The following TTC29 variants were observed in gnomAD, a reference collection of about 807,000 sequenced individuals.
The protein encoded by TTC29 is tetratricopeptide repeat domain 29, also known as tetratricopeptide repeat protein 29.
In TTC29, 49 loss-of-function variants were observed where a neutral mutation model predicts 58.1. The observed-to-expected ratio is 0.84, with a 90% CI of 0.67 to 1.07. The LOEUF (loss-of-function observed/expected upper bound fraction) is 1.07, where lower values mean the gene tolerates loss of function less well. TTC29 is among the 50% of genes least tolerant of loss of function. The pLI is 0.00. For synonymous variants in TTC29, 209 were observed against 196.8 expected, an observed-to-expected ratio of 1.06 and a Z score of -0.52; for missense variants, 582 against 555.6, an observed-to-expected ratio of 1.05 and a Z score of -0.48.
chr4:146,824,546 A>T (rs1727630623), intron 9 of TTC29, among the ~76,000 whole-genome samples: 1 of 135,732 alleles, frequency 7.4e-6, no homozygotes, highest in African/African-American at 3.0e-5. Context: ...CATCGGGGAT[A>T]TTGGCCTGAA....
At chr4:146,838,327 A>G (rs1728641350) in intron 8 of TTC29, among the ~76,000 whole-genome samples, 1 of 152,052 alleles carries the variant, frequency 6.6e-6, no homozygotes, top group Non-Finnish European at 1.5e-5. Context: ...AATGAAATTT[A>G]AGGATTATTA....
chr4:146,835,752 C>T (rs1016745470), intron 8 of TTC29, among the ~76,000 whole-genome samples: 1 of 152,140 alleles, frequency 6.6e-6, no homozygotes, highest in African/African-American at 2.4e-5. Context: ...TGACCCTGAT[C>T]TCCATGGGCT....
Position 146,707,152 on chromosome 4 carries a change from G to T in TTC29, c.*6C>A, listed in dbSNP as rs1425504372. ...TTCTTGCTTTGATGTTAAGTGAAAA[G>T]CTGCTTTAAGTTTCATTTTTTTGAT... is the stretch of plus-strand genomic sequence containing the variant. On this transcript the variant is annotated 3_prime_UTR_variant, in exon 13 of 13. Coordinates refer to ENST00000325106, the MANE Select transcript of TTC29 (RefSeq NM_031956.4). 6.6e-7 allele frequency: 1 copy of T among 1,525,158 alleles called. No homozygotes were observed. Among genetic ancestry groups the T allele is most frequent in the South Asian group, 1.3e-5 (1 of 76,904 alleles). 94.5% of individuals were successfully genotyped at this position (1,525,158 alleles called of 1,614,324 possible). A position where few individuals can be genotyped will look rare whatever the true frequency, so the allele number is the denominator to read the frequency against.
intron 11 of TTC29, among the ~76,000 whole-genome samples, chr4:146,790,180 T>C (rs1749328044): frequency 6.6e-6 from 1 of 151,910 alleles, no homozygotes; most frequent in South Asian, 2.1e-4. Flanking sequence ...ACCCAATCAC[T>C]TTCTTTTTTT....
At chr4:146,797,058 A>G (rs1749881329) in intron 11 of TTC29, among the ~76,000 whole-genome samples, 1 of 152,216 alleles carries the variant, frequency 6.6e-6, no homozygotes, top group Admixed American at 6.5e-5. Context: ...ACAACTAGGC[A>G]ATGAGATATG....
chr4:146,891,175 T>A (rs1346566832), intron 6 of TTC29, among the ~76,000 whole-genome samples: 3 of 152,188 alleles, frequency 2.0e-5, no homozygotes, highest in African/African-American at 7.2e-5. Context: ...TGCTGATGCC[T>A]AGAGGTTTGT....
chr4:146,727,297 A>G (rs1454244405), intron 11 of TTC29, among the ~76,000 whole-genome samples: 1 of 152,180 alleles, frequency 6.6e-6, no homozygotes, highest in Non-Finnish European at 1.5e-5. Flanking sequence ...CCACTTTGAC[A>G]TCTGGCACGA....
chr4:146,838,601 C>G (rs1728659133), intron 8 of TTC29, among the ~76,000 whole-genome samples: 3 of 151,918 alleles, frequency 2.0e-5, no homozygotes, highest in African/African-American at 7.2e-5. Context: ...CTTAGGACTA[C>G]CAGTTAGGAG....
chr4:146,927,533 A>G (rs1735022494), intron 4 of TTC29, among the ~76,000 whole-genome samples: 1 of 152,128 alleles, frequency 6.6e-6, no homozygotes, highest in South Asian at 2.1e-4. Flanking sequence ...CTACCCACTA[A>G]TGAGTCACAA....
At chr4:146,821,468 C>T (rs536372579) in intron 9 of TTC29, among the ~76,000 whole-genome samples, 25 of 152,112 alleles carry the variant, frequency 1.6e-4, no homozygotes, top group Middle Eastern at 3.4e-3. Flanking sequence ...TTATAAAAGG[C>T]GAATACTAGC....
intron 11 of TTC29, among the ~76,000 whole-genome samples, chr4:146,775,514 G>A (rs1748024608): frequency 6.6e-6 from 1 of 151,376 alleles, no homozygotes; most frequent in Non-Finnish European, 1.5e-5. Flanking sequence ...AGCTTAGTTT[G>A]GCTGGATATG....
intron 11 of TTC29, among the ~76,000 whole-genome samples, chr4:146,715,369 G>A (rs944595757): frequency 6.6e-5 from 10 of 152,088 alleles, no homozygotes; most frequent in Admixed American, 1.3e-4. Flanking sequence ...CTAAGTGTCC[G>A]TTAACAGACA....
intron 6 of TTC29, among the ~76,000 whole-genome samples, chr4:146,890,598 T>A (rs1383464854): frequency 6.6e-6 from 1 of 152,152 alleles, no homozygotes; most frequent in Non-Finnish European, 1.5e-5. Context: ...ACAAGCCTTG[T>A]GTAGGGATAG....
intron 11 of TTC29, among the ~76,000 whole-genome samples, chr4:146,746,867 C>T (rs1353372280): frequency 6.6e-6 from 1 of 152,034 alleles, no homozygotes; most frequent in South Asian, 2.1e-4. Context: ...CCTCCTCCAC[C>T]CCCTAAAAAG....
At chr4:146,884,248 G>T (rs1049560317) in intron 6 of TTC29, among the ~76,000 whole-genome samples, 5 of 152,164 alleles carry the variant, frequency 3.3e-5, no homozygotes, top group African/African-American at 9.6e-5. Context: ...CAACTATAAA[G>T]TGACTCAGTT....
At chr4:146,924,678 G>A (rs1734807814) in intron 4 of TTC29, among the ~76,000 whole-genome samples, 1 of 149,686 alleles carries the variant, frequency 6.7e-6, no homozygotes, top group Non-Finnish European at 1.5e-5. Flanking sequence ...TTTTTTCAAA[G>A]AACCAGCATT....
At chr4:146,798,943 G>T (rs75289464) in intron 11 of TTC29, among the ~76,000 whole-genome samples, 8,770 of 129,256 alleles carry the variant, frequency 0.068, 367 homozygotes, top group Admixed American at 0.14. Flanking sequence ...TAGTGAGAAA[G>T]ATGCTCTTAC....
chr4:146,812,229 A>AT (rs975010927), intron 10 of TTC29, among the ~76,000 whole-genome samples: 2 of 152,226 alleles, frequency 1.3e-5, no homozygotes, highest in Non-Finnish European at 2.9e-5. Context: ...AAACATAACC[A>AT]TTTTTTTAGA....
At chr4:146,922,915 TAGA>T (rs1560722281) in intron 4 of TTC29, among the ~76,000 whole-genome samples, 1 of 151,874 alleles carries the variant, frequency 6.6e-6, no homozygotes, top group Non-Finnish European at 1.5e-5. Flanking sequence ...GGAGAAGATT[TAGA>T]AGACCAGTTA....
Sources: allele counts gnomAD v4.1 joint callset (sites outside exome capture counted in the v4.1 genomes callset), GRCh38; gene constraint gnomAD v4.1.1; transcripts MANE v1.5; gene names NCBI Gene and HGNC (gene_info 2026-07-23, HGNC 2026-07-21).